The following MUS81 variants were observed in gnomAD, a reference collection of about 807,000 sequenced individuals.
The protein encoded by MUS81 is MUS81 structure-specific endonuclease subunit.
Under a neutral mutation model 74.2 loss-of-function variants are expected in MUS81, and 69 were observed. The ratio of observed to expected loss-of-function variants is 0.93; its 90% CI spans 0.77 to 1.14. The LOEUF (loss-of-function observed/expected upper bound fraction) is 1.14. Ranked by LOEUF, MUS81 falls within the 50% of genes most tolerant of loss-of-function variation. The pLI is 0.00. For missense variants in MUS81, 711 were observed against 726.5 expected (o/e 0.98, Z 0.25); for synonymous variants, 303 against 300.6 (o/e 1.01, Z -0.08).
intron 3 of MUS81, 54 bp from the exon 4 acceptor site, chr11:65,861,893 T>A: frequency 7.0e-7 from 1 of 1,426,058 alleles, no homozygotes; most frequent in Non-Finnish European, 9.7e-7. Flanking sequence ...GCTGGGGACT[T>A]ATTCAAAGAT....
chr11:65,864,800 G>T lies in MUS81; in HGVS notation c.1257G>T (p.Leu419=), dbSNP rs199634256. The T allele has an allele frequency of 6.2e-6, 10 of 1,613,116 alleles. No individual in the cohort carries two copies. The South Asian group carries it at 1.1e-4, about 18-fold the overall frequency. ...AAYLALLTRG[L]QRLYQGHTLR... ...ACCTGGCCCTCTTGACGCGGGGCCT[G>T]CAGAGACTCTACCAGGTGAGCAGAG... The change falls in exon 12 of 16, where the codon CTG becomes CTT. Residue 419 remains leucine (L), a synonymous_variant. Transcript: ENST00000308110.
chr11:65,867,059 G>A, downstream of MUS81: 1 of 1,614,138 alleles, frequency 6.2e-7, no homozygotes, highest in East Asian at 2.2e-5. Flanking sequence ...GGACCAGCAT[G>A]GCGCTGACGT....
Position 65,866,176 on chromosome 11 carries a change from A to G in MUS81, c.*124A>G. ...GTTTGCAGCCATATGTGTCATGTAGAAGATGCCTAGCCCTGGGGACCTTGT... is the reference window on the plus strand; with the variant it reads ...GTTTGCAGCCATATGTGTCATGTAGGAGATGCCTAGCCCTGGGGACCTTGT... On this transcript the variant is annotated 3_prime_UTR_variant, in exon 16 of 16. Transcript: ENST00000308110. 1.1e-6 allele frequency: 1 copy of G among 929,250 alleles called. No individual in the cohort carries two copies. Among genetic ancestry groups the G allele is most frequent in the Non-Finnish European group, 1.6e-6 (1 of 622,932 alleles). The allele number at this position is 929,250 out of a possible 1,614,324, so 57.6% of individuals were successfully genotyped here.
intron 2 of MUS81, 26 bp downstream of exon 2, chr11:65,861,128 G>A: frequency 6.2e-7 from 1 of 1,611,448 alleles, no homozygotes; most frequent in Non-Finnish European, 8.5e-7. Flanking sequence ...AGGGGTCGGT[G>A]ATCCCCCACC....
At chr11:65,861,574 A>T (rs1365666567) in intron 3 of MUS81, 139 bp downstream of exon 3, 3 of 675,408 alleles carry the variant, frequency 4.4e-6, no homozygotes, top group Non-Finnish European at 7.4e-6. Flanking sequence ...CCTCTTTTCG[A>T]CTTAGTATTT....
intron 2 of MUS81, 73 bp downstream of exon 2, chr11:65,861,175 C>T (rs1859587301): frequency 1.2e-6 from 2 of 1,603,090 alleles, no homozygotes. Flanking sequence ...CCTGGGAGCC[C>T]TTGGCTTTTA....
chr11:65,865,705 T>C, intron 14 of MUS81, 106 bp from the exon 15 acceptor site: 1 of 1,138,074 alleles, frequency 8.8e-7, no homozygotes, highest in Non-Finnish European at 1.3e-6. Context: ...AGTGGGGCAG[T>C]GTCCCAACTC....
chr11:65,861,254 C>T (rs1414431573), intron 2 of MUS81, 96 bp from the exon 3 acceptor site: 5 of 1,532,340 alleles, frequency 3.3e-6, no homozygotes, highest in Non-Finnish European at 4.4e-6. Context: ...GAGCCTCCCT[C>T]ACCGGTCTCA....
downstream of MUS81, chr11:65,867,336 A>G: frequency 5.4e-6 from 3 of 560,598 alleles, no homozygotes; most frequent in Non-Finnish European, 9.6e-6. Context: ...CTAACTGACG[A>G]TTCAAGGCCA....
rs1240114754 is a variant in MUS81 at position 65,861,989 on chromosome 11, C to A, written c.394C>A (p.Pro132Thr). 1 of 1,611,456 alleles carries A rather than the reference C, an allele frequency of 6.2e-7. No individual in the cohort carries two copies. The change falls in exon 4 of 16, where the codon CCA (proline) becomes ACA (threonine). Residue 132 changes from proline (P) to threonine (T), a missense_variant. By Grantham distance (38) the Pro-to-Thr change is conservative. Coordinates refer to ENST00000308110, the MANE Select transcript of MUS81 (RefSeq NM_025128.5). ...PKAGGSGSYW[P>T]ARHSGARVIL... ...AGCGGGAGGCTCTGGCAGCTACTGG[C>A]CAGCTCGGCACTCAGGAGCCCGAGT...
rs1352114845 is a variant in MUS81, at chr11:65,863,436, AG to A, written c.774del (p.Gln258HisfsTer5). 3.7e-6 allele frequency: 6 copies of A among 1,614,164 alleles called. No individual in the cohort carries two copies. The South Asian group carries it at 5.5e-5, about 15-fold the overall frequency. On this transcript the variant is annotated frameshift_variant, in exon 8 of 16. Coordinates refer to ENST00000308110, the MANE Select transcript of MUS81 (RefSeq NM_025128.5). LOFTEE classifies it high-confidence loss of function. ...GCCAGTGAAGCAGGGGTCCAGCAGCAGCCACTGGAGCTGAGGCCTGGAGAGT... is the reference window on the plus strand; with the variant it reads ...GCCAGTGAAGCAGGGGTCCAGCAGCACCACTGGAGCTGAGGCCTGGAGAGT... Reference protein sequence around the residue: ...ELASEAGVQQQPLELRPGEYR... With the variant: ...ELASEAGVQQXPLELRPGEYR...
rs779313070 is a variant in MUS81 at position 65,865,023 on chromosome 11, A to C, written c.1279A>C (p.Thr427Pro). The change falls in exon 13 of 16, where the codon ACC becomes CCC. Residue 427 changes from threonine to proline, a missense_variant. Transcript: ENST00000308110. ...CAGTCCCTTCTTCCCTCAGGGCCAC[A>C]CCCTACGCAGCCGCCCCTGGGGAAC... The part of the protein sequence containing the change: ...RGLQRLYQGH[T>P]LRSRPWGTPG... The C allele has an allele frequency of 5.0e-6, 8 of 1,613,336 alleles. No homozygotes were observed. Among genetic ancestry groups the C allele is most frequent in the Non-Finnish European group, 6.8e-6 (8 of 1,179,988 alleles).
Position 65,860,529 on chromosome 11 carries a change from C to A in MUS81, c.-225C>A. On this transcript the variant is annotated 5_prime_UTR_variant, in exon 1 of 16. Transcript: ENST00000308110. ...CAAGGGAAAAGATCGTTAGAGACAG[C>A]GCCCCTGACCAACCACTTAGAGCAG... The A allele has an allele frequency of 1.6e-6, 1 of 607,426 alleles. No homozygotes were observed. Among genetic ancestry groups the A allele is most frequent in the Non-Finnish European group, 2.9e-6 (1 of 343,044 alleles). 37.6% of individuals were successfully genotyped at this position (607,426 alleles called of 1,614,324 possible).
At position 65,863,895 on chromosome 11, in the gene MUS81, G is replaced by A; in HGVS notation, c.1053G>A (p.Glu351=). The change falls in exon 10 of 16, where the codon GAG becomes GAA. Residue 351 remains glutamate, a synonymous_variant. Coordinates refer to ENST00000308110, the MANE Select transcript of MUS81 (RefSeq NM_025128.5). ...GCATCATCGACGGCCGCTTCCGGGA[G>A]CAGAAGGTAATTTTGCTGGCTTTGC... ...CSSIIDGRFR[E]QKFRLKRCGL... 2 of 1,614,104 alleles carry A rather than the reference G, an allele frequency of 1.2e-6. No individual in the cohort carries two copies. The highest frequency in any genetic ancestry group is 1.7e-6 in the Non-Finnish European group (2 of 1,180,006).
Position 65,866,437 on chromosome 11 carries a change from C to T in MUS81, c.*385C>T, listed in dbSNP as rs1211048209. ...ACTTCCTAAAAGAAAAGATTGAAAACCACTAACAGTCCAGTTGCCTCGTTT... is the reference window on the plus strand; with the variant it reads ...ACTTCCTAAAAGAAAAGATTGAAAATCACTAACAGTCCAGTTGCCTCGTTT... On this transcript the variant is annotated 3_prime_UTR_variant, in exon 16 of 16. Coordinates refer to ENST00000308110, the MANE Select transcript of MUS81 (RefSeq NM_025128.5). 2.9e-6 allele frequency: 2 copies of T among 684,866 alleles called. No individual in the cohort carries two copies. Among genetic ancestry groups the T allele is most frequent in the Middle Eastern group, 2.4e-4 (1 of 4,168 alleles). 42.4% of individuals were successfully genotyped at this position (684,866 alleles called of 1,614,324 possible). A position where few individuals can be genotyped will look rare whatever the true frequency, so the allele number is the denominator to read the frequency against.
Position 65,864,478 on chromosome 11 carries a change from A to G in MUS81, c.1060-19A>G, listed in dbSNP as rs372093756. 25 of 1,606,622 alleles carry G rather than the reference A, an allele frequency of 1.6e-5. No individual in the cohort carries two copies. The African/African-American group carries it at 2.9e-4, about 19-fold the overall frequency. ...TCATCCAGCCTGACCCTCCCTGTCCACTCTGTACACTTCCCTAGTTCCGGC... is the reference window on the plus strand; with the variant it reads ...TCATCCAGCCTGACCCTCCCTGTCCGCTCTGTACACTTCCCTAGTTCCGGC... On this transcript the variant is annotated intron_variant, in intron 10 of 15. Coordinates refer to ENST00000308110, the MANE Select transcript of MUS81 (RefSeq NM_025128.5).
At position 65,866,025 on chromosome 11, in the gene MUS81, C is replaced by G. The variant is rs746653075; in HGVS notation, c.1629C>G (p.Leu543=). Residue 543 remains leucine (L), a synonymous_variant, in exon 16 of 16, where the codon CTC becomes CTG. Coordinates refer to ENST00000308110, the MANE Select transcript of MUS81 (RefSeq NM_025128.5). Reference sequence around the variant, plus strand: ...CTCTGAGCAGGACCTTATCCCAGCTCTACTGCAGCTACGGCCCCTTGACCT... The same window carrying G: ...CTCTGAGCAGGACCTTATCCCAGCTGTACTGCAGCTACGGCCCCTTGACCT... ...GPALSRTLSQ[L]YCSYGPLT is the part of the protein sequence containing the mutation. The G allele has an allele frequency of 6.2e-7, 1 of 1,614,106 alleles. No homozygotes were observed. The highest frequency in any genetic ancestry group is 8.5e-7 in the Non-Finnish European group (1 of 1,179,974).
chr11:65,866,187 C>T lies in MUS81; in HGVS notation c.*135C>T. The T allele has an allele frequency of 6.1e-6, 5 of 824,014 alleles. No individual in the cohort carries two copies. Among genetic ancestry groups the T allele is most frequent in the Non-Finnish European group, 9.3e-6 (5 of 534,778 alleles). The allele number at this position is 824,014 out of a possible 1,614,324, so 51.0% of individuals were successfully genotyped here. ...TATGTGTCATGTAGAAGATGCCTAG[C>T]CCTGGGGACCTTGTGAAATACGCAG... On this transcript the variant is annotated 3_prime_UTR_variant, in exon 16 of 16. Coordinates refer to ENST00000308110, the MANE Select transcript of MUS81 (RefSeq NM_025128.5).
At chr11:65,859,905 C>T (rs1859515335), upstream of MUS81, among the ~76,000 whole-genome samples, 1 of 152,216 alleles carries the variant, frequency 6.6e-6, no homozygotes, top group Non-Finnish European at 1.5e-5. Context: ...TAACCCGCAG[C>T]CTGCTCCTCC....
Sources: gnomAD v4.1 joint callset for allele counts (sites outside exome capture counted in the v4.1 genomes callset) on GRCh38, gnomAD v4.1.1 for gene constraint, MANE v1.5 for transcripts, NCBI Gene and HGNC (gene_info 2026-07-23, HGNC 2026-07-21) for gene names.